PI4KA: variants seen among roughly 807,000 people sequenced by gnomAD.
The protein encoded by PI4KA is phosphatidylinositol 4-kinase alpha, also known as PI4-kinase alpha.
In PI4KA, 122 loss-of-function variants were observed where a neutral mutation model predicts 271.4. The ratio of observed to expected loss-of-function variants is 0.45; its 90% CI spans 0.39 to 0.52. The LOEUF is 0.52. PI4KA is among the 20% of genes least tolerant of loss of function. The pLI is 0.00. For missense variants in PI4KA, 1,969 were observed against 2,769.1 expected, an observed-to-expected ratio of 0.71 and a Z score of 6.48; for synonymous variants, 1,041 against 1,078.8, an observed-to-expected ratio of 0.96 and a Z score of 0.69.
chr22:20,824,768 ACACACAC>A (rs1569076096), intron 3 of PI4KA, among the ~76,000 whole-genome samples: 2 of 147,074 alleles, frequency 1.4e-5, no homozygotes, highest in African/African-American at 4.9e-5. Context: ...ACACACACAC[ACACACAC>A]ACACAAAACA....
At chr22:20,711,241 G>A (rs1201164409) in intron 51 of PI4KA, 100 bp downstream of exon 51, 1 of 715,818 alleles carries the variant, frequency 1.4e-6, no homozygotes, top group Non-Finnish European at 2.3e-6. Flanking sequence ...CTCCTGGCAG[G>A]GTGGTCCTGG....
intron 2 of PI4KA, among the ~76,000 whole-genome samples, chr22:20,835,507 G>C (rs1324103073): frequency 2.0e-5 from 3 of 152,140 alleles, no homozygotes; most frequent in Non-Finnish European, 4.4e-5. Context: ...CCAGGCAGGT[G>C]AATCACTTGA....
intron 17 of PI4KA, 162 bp downstream of exon 17, chr22:20,798,422 G>A (rs1935104533): frequency 1.6e-6 from 1 of 612,200 alleles, no homozygotes; most frequent in Admixed American, 2.6e-5. Context: ...TCCAGGTGGG[G>A]GCCACATTGG....
chr22:20,835,132 GTTTT>G (rs112694123), intron 2 of PI4KA, among the ~76,000 whole-genome samples: 1 of 145,938 alleles, frequency 6.9e-6, no homozygotes, highest in African/African-American at 2.5e-5. Context: ...TTTTCCTTGT[GTTTT>G]TTTTTTTTAA....
chr22:20,833,255 C>G (rs550283874), intron 3 of PI4KA, among the ~76,000 whole-genome samples: 2 of 152,254 alleles, frequency 1.3e-5, no homozygotes, highest in Admixed American at 6.5e-5. Context: ...TGAGAACATG[C>G]AGCACTGGAG....
chr22:20,823,980 C>G (rs917998265), intron 4 of PI4KA, among the ~76,000 whole-genome samples: 7 of 151,726 alleles, frequency 4.6e-5, no homozygotes, highest in African/African-American at 1.7e-4. Flanking sequence ...GACTTCAATC[C>G]CCAACAAAGA....
chr22:20,766,033 A>G (rs1185227785), intron 19 of PI4KA, among the ~76,000 whole-genome samples: 1 of 152,154 alleles, frequency 6.6e-6, no homozygotes, highest in Non-Finnish European at 1.5e-5. Context: ...TTAACATTTG[A>G]GGAAAACTTA....
intron 19 of PI4KA, among the ~76,000 whole-genome samples, chr22:20,773,151 C>T (rs1932968061): frequency 1.3e-5 from 2 of 151,964 alleles, no homozygotes; most frequent in Non-Finnish European, 2.9e-5. Flanking sequence ...TTTGGGAGGC[C>T]GAGACGGGAG....
At chr22:20,849,744 C>T (rs1490770106) in intron 1 of PI4KA, among the ~76,000 whole-genome samples, 1 of 152,112 alleles carries the variant, frequency 6.6e-6, no homozygotes, top group Non-Finnish European at 1.5e-5. Context: ...GTCCCAGCTA[C>T]TCGGGAGTCT....
intron 3 of PI4KA, among the ~76,000 whole-genome samples, chr22:20,833,324 C>G (rs987336202): frequency 2.6e-5 from 4 of 152,210 alleles, no homozygotes; most frequent in Non-Finnish European, 5.9e-5. Context: ...CCAGCCAAAG[C>G]ACTCTGTCGG....
chr22:20,784,109 G>T, intron 19 of PI4KA: 1 of 1,614,158 alleles, frequency 6.2e-7, no homozygotes, highest in Non-Finnish European at 8.5e-7. Flanking sequence ...GCTGGACTGC[G>T]ACATCCTCCA....
At chr22:20,823,009 G>A (rs1366996422) in intron 4 of PI4KA, among the ~76,000 whole-genome samples, 2 of 152,108 alleles carry the variant, frequency 1.3e-5, no homozygotes, top group Admixed American at 6.6e-5. Flanking sequence ...TGCCTCCCAG[G>A]TTCAAGTGAT....
chr22:20,798,574 G>A lies in PI4KA; in HGVS notation c.2108+10C>T. 3 of 1,517,330 alleles carry A rather than the reference G, an allele frequency of 2.0e-6. No individual in the cohort carries two copies. Among genetic ancestry groups the A allele is most frequent in the South Asian group, 1.1e-5 (1 of 89,176 alleles). The allele number at this position is 1,517,330 out of a possible 1,614,324, so 94.0% of individuals were successfully genotyped here. A position where few individuals can be genotyped will look rare whatever the true frequency, so the allele number is the denominator to read the frequency against. On this transcript the variant is annotated intron_variant, in intron 17 of 54. Coordinates refer to ENST00000255882, the MANE Select transcript of PI4KA (RefSeq NM_058004.4). ...GTCATGATAAAAAAGTGACAATGAG[G>A]TCCAGTTACCTATAGCCGTGGTCCT...
intron 1 of PI4KA, among the ~76,000 whole-genome samples, chr22:20,848,965 A>G (rs998686582): frequency 2.0e-5 from 3 of 152,218 alleles, no homozygotes; most frequent in African/African-American, 7.2e-5. Context: ...TCTAAAATAA[A>G]GAACTATTAC....
At chr22:20,786,749 C>T in intron 19 of PI4KA, 1 of 974,006 alleles carries the variant, frequency 1.0e-6, no homozygotes, top group Non-Finnish European at 1.6e-6. Flanking sequence ...GTGACTCTGA[C>T]CAGCTGTGAT....
chr22:20,780,160 C>T, intron 19 of PI4KA: 1 of 1,614,214 alleles, frequency 6.2e-7, no homozygotes, highest in Non-Finnish European at 8.5e-7. Flanking sequence ...AATATAGACC[C>T]TGCTACCCAG....
intron 23 of PI4KA, among the ~76,000 whole-genome samples, 176 bp from the exon 24 acceptor site, chr22:20,753,356 C>T (rs1376683284): frequency 6.6e-6 from 1 of 152,200 alleles, no homozygotes; most frequent in Admixed American, 6.5e-5. Context: ...AGTAACCAGG[C>T]TGATGTGTCA....
chr22:20,813,991 G>A (rs540785300), intron 7 of PI4KA, among the ~76,000 whole-genome samples: 8 of 152,200 alleles, frequency 5.3e-5, no homozygotes, highest in African/African-American at 7.2e-5. Flanking sequence ...TAGAGATGGC[G>A]TTTCGCCATG....
At chr22:20,797,733 G>A (rs1327316449) in intron 17 of PI4KA, among the ~76,000 whole-genome samples, 1 of 152,206 alleles carries the variant, frequency 6.6e-6, no homozygotes, top group Non-Finnish European at 1.5e-5. Flanking sequence ...CTGAGGTCAT[G>A]CAGCTACATG....
Sources: allele counts gnomAD v4.1 joint callset (sites outside exome capture counted in the v4.1 genomes callset), GRCh38; gene constraint gnomAD v4.1.1; transcripts MANE v1.5; gene names NCBI Gene and HGNC (gene_info 2026-07-23, HGNC 2026-07-21).